HIP1: variants seen among roughly 807,000 people sequenced by gnomAD.
HIP1 encodes the protein huntingtin-interacting protein 1.
HIP1 carries 65 observed loss-of-function variants against 147.6 expected under a neutral mutation model. That is an observed-to-expected ratio of 0.44 (90% CI 0.36 to 0.54). HIP1 has a LOEUF of 0.54. Among genes scored for constraint, HIP1 ranks in the 20% least tolerant of loss-of-function variants. The pLI is 0.00. For synonymous variants in HIP1, 479 were observed against 504.0 expected (o/e 0.95, Z 0.67); for missense variants, 1,061 against 1,299.6 (o/e 0.82, Z 2.82).
intron 9 of HIP1, 33 bp from the exon 10 acceptor site, chr7:75,563,296 G>T: frequency 6.2e-7 from 1 of 1,601,430 alleles, no homozygotes; most frequent in South Asian, 1.1e-5. Context: ...GGGGTGCTGG[G>T]TGTCTTCATC....
chr7:75,554,175 G>C lies in HIP1; in HGVS notation c.2096C>G (p.Thr699Ser). 6.2e-7 allele frequency: 1 copy of C among 1,614,102 alleles called. No homozygotes were observed. The highest frequency in any genetic ancestry group is 8.5e-7 in the Non-Finnish European group (1 of 1,180,030). Residue 699 changes from threonine to serine, a missense_variant, in exon 21 of 31, where the codon ACC becomes AGC. Physicochemically the swap from Thr to Ser is moderately conservative, Grantham distance 58. Coordinates refer to ENST00000336926, the MANE Select transcript of HIP1 (RefSeq NM_005338.7). ...LHSITLLAHL[T>S]SDAIAHGATT... ...GGCACCATGAGCAATGGCGTCGCTG[G>C]TCAAGTGGGCCAGCAGGGTTATGGA...
chr7:75,562,189 G>A lies in HIP1; in HGVS notation c.1021-19C>T. On this transcript the variant is annotated intron_variant, in intron 11 of 30. Transcript: ENST00000336926. ...ATAAATTCTGTGGTTGACCAAAAAG[G>A]AGTGAGAATAAGTCAGAGAGCCAGA... 1 of 1,543,196 alleles carries A rather than the reference G, an allele frequency of 6.5e-7. No homozygotes were observed. Among genetic ancestry groups the A allele is most frequent in the Non-Finnish European group, 9.0e-7 (1 of 1,115,500 alleles).
intron 17 of HIP1, 140 bp from the exon 18 acceptor site, chr7:75,556,309 G>C: frequency 9.4e-7 from 1 of 1,068,628 alleles, no homozygotes; most frequent in Non-Finnish European, 1.4e-6. Flanking sequence ...TTCCCTCCCG[G>C]GGACACACTG....
intron 1 of HIP1, among the ~76,000 whole-genome samples, chr7:75,733,077 G>T (rs1801888388): frequency 6.6e-6 from 1 of 152,196 alleles, no homozygotes; most frequent in African/African-American, 2.4e-5. Flanking sequence ...CCATTTTCCA[G>T]CTAAGTAAAA....
intron 1 of HIP1, among the ~76,000 whole-genome samples, chr7:75,647,357 C>T (rs572046821): frequency 6.6e-6 from 1 of 151,978 alleles, no homozygotes; most frequent in South Asian, 2.1e-4. Flanking sequence ...GAGATCGTGC[C>T]ACTGCACTCC....
At chr7:75,653,837 G>C (rs1672296261) in intron 1 of HIP1, among the ~76,000 whole-genome samples, 1 of 152,130 alleles carries the variant, frequency 6.6e-6, no homozygotes, top group South Asian at 2.1e-4. Flanking sequence ...CTGAATCCCT[G>C]CCTCCCGAGC....
In HIP1 at chr7:75,539,325, T is replaced by C; in HGVS notation, c.3059A>G (p.Glu1020Gly). The C allele has an allele frequency of 1.2e-6, 2 of 1,613,104 alleles. No individual in the cohort carries two copies. The highest frequency in any genetic ancestry group is 1.7e-6 in the Non-Finnish European group (2 of 1,179,070). Residue 1020 changes from glutamate to glycine, a missense_variant and splice_region_variant, in exon 30 of 31, where the codon GAA (glutamate) becomes GGA (glycine). Around this residue, in one of 3 missense-constraint regions of HIP1, gnomAD observed 810 missense variants for 946.8 expected, o/e 0.86. Coordinates refer to ENST00000336926, the MANE Select transcript of HIP1 (RefSeq NM_005338.7). The part of the protein sequence containing the change: ...ELAGVAEGWE[E>G]GTEASPPTLQ... Reference sequence around the variant, plus strand: ...GCCCATCCTTGGAGTCAGCTTACCTTCTTCCCAGCCCTCAGCAACACCAGC... The same window carrying C: ...GCCCATCCTTGGAGTCAGCTTACCTCCTTCCCAGCCCTCAGCAACACCAGC...
At position 75,727,743 on chromosome 7, in the gene HIP1, G is replaced by A. The variant is rs371901940; in HGVS notation, c.120+11058C>T. Among the ~76,000 whole-genome samples the A allele has an allele frequency of 1.2e-4, 18 of 151,942 alleles. No homozygotes were observed. In the East Asian group the frequency reaches 1.5e-3, roughly 13 times the overall value. ...TGCCTGTAGTCCCAGCTATTCAGGA[G>A]GCTGAGACAGGAGAATTGCTTGAAT... On this transcript the variant is annotated intron_variant, in intron 1 of 30. Coordinates refer to ENST00000336926, the MANE Select transcript of HIP1 (RefSeq NM_005338.7).
chr7:75,609,969 T>G (rs1237123517), intron 1 of HIP1, among the ~76,000 whole-genome samples: 1 of 150,264 alleles, frequency 6.7e-6, no homozygotes, highest in African/African-American at 2.4e-5. Context: ...GTGGCACAAT[T>G]TTGATTCATT....
At chr7:75,636,315 C>T (rs1346169181) in intron 1 of HIP1, among the ~76,000 whole-genome samples, 2 of 151,064 alleles carry the variant, frequency 1.3e-5, no homozygotes, top group East Asian at 3.9e-4. Flanking sequence ...TGCACCACTG[C>T]ACTCCAGCCT....
At chr7:75,667,338 G>A (rs536381348) in intron 1 of HIP1, among the ~76,000 whole-genome samples, 4 of 152,278 alleles carry the variant, frequency 2.6e-5, no homozygotes, top group Admixed American at 2.6e-4. Context: ...TTAGAAAAGT[G>A]TTAACTCACT....
intron 4 of HIP1, 55 bp from the exon 5 acceptor site, chr7:75,586,888 G>T: frequency 9.8e-7 from 1 of 1,022,368 alleles, no homozygotes; most frequent in Non-Finnish European, 1.5e-6. Flanking sequence ...ACAGTCAAGA[G>T]ATCTGCAGCC....
At chr7:75,591,262 G>A (rs1364973133) in intron 4 of HIP1, among the ~76,000 whole-genome samples, 1 of 152,030 alleles carries the variant, frequency 6.6e-6, no homozygotes, top group Non-Finnish European at 1.5e-5. Context: ...CAAACTCCTG[G>A]CCTCAGGTGA....
intron 1 of HIP1, among the ~76,000 whole-genome samples, chr7:75,716,070 C>A (rs1554520556): frequency 1.3e-5 from 2 of 152,092 alleles, no homozygotes; most frequent in African/African-American, 4.8e-5. Flanking sequence ...CCCCGTGACC[C>A]AAACACCTCC....
At chr7:75,729,305 CAAAAAAAAAAAAAA>C (rs35202804) in intron 1 of HIP1, among the ~76,000 whole-genome samples, 2 of 49,208 alleles carry the variant, frequency 4.1e-5, no homozygotes, top group Non-Finnish European at 7.1e-5. Flanking sequence ...CTTGTCTCTG[CAAAAAAAAAAAAAA>C]AAAAAAAAAA....
chr7:75,570,406 C>T (rs1554496363), intron 8 of HIP1, among the ~76,000 whole-genome samples: 1 of 151,632 alleles, frequency 6.6e-6, no homozygotes, highest in African/African-American at 2.4e-5. Flanking sequence ...ATTCTGCTGC[C>T]TCAGCCTCCT....
intron 7 of HIP1, among the ~76,000 whole-genome samples, chr7:75,576,679 A>G (rs950954094): frequency 6.6e-6 from 1 of 152,146 alleles, no homozygotes; most frequent in Admixed American, 6.5e-5. Context: ...ACTGCACTCC[A>G]GCCTGAACGA....
chr7:75,708,674 A>C (rs1563305954), intron 1 of HIP1, among the ~76,000 whole-genome samples: 2 of 151,976 alleles, frequency 1.3e-5, no homozygotes, highest in East Asian at 3.9e-4. Flanking sequence ...TATTGAGGAG[A>C]GTTTATTTCT....
chr7:75,663,336 C>T (rs1799376205), intron 1 of HIP1, among the ~76,000 whole-genome samples: 1 of 152,070 alleles, frequency 6.6e-6, no homozygotes, highest in African/African-American at 2.4e-5. Context: ...GGGTGGCGTA[C>T]ACCTATAGTC....
Sources: gnomAD v4.1 joint callset for allele counts (sites outside exome capture counted in the v4.1 genomes callset) on GRCh38, gnomAD v4.1.1 for gene constraint, gnomAD v4.1.1 regional missense constraint, MANE v1.5 for transcripts, NCBI Gene and HGNC (gene_info 2026-07-23, HGNC 2026-07-21) for gene names.